EXOC6B: variants seen among roughly 807,000 people sequenced by gnomAD.
EXOC6B encodes the protein exocyst complex component 6B, also known as SEC15 homolog B.
A neutral mutation model predicts 113.5 loss-of-function variants in EXOC6B; 54 were observed. That is an observed-to-expected ratio of 0.48 (90% CI 0.38 to 0.60). EXOC6B has a LOEUF of 0.60. Among genes scored for constraint, EXOC6B ranks in the 20% least tolerant of loss-of-function variants. The pLI, the probability that EXOC6B is intolerant of heterozygous loss-of-function variation, is 0.00. For synonymous variants in EXOC6B, 357 were observed against 339.0 expected, an observed-to-expected ratio of 1.05 and a Z score of -0.58; for missense variants, 797 against 977.5, an observed-to-expected ratio of 0.82 and a Z score of 2.46.
rs780780635 is a variant in EXOC6B at position 72,215,705 on chromosome 2, T to C, written c.2197-31518A>G. On this transcript the variant is annotated intron_variant, in intron 20 of 21. Coordinates refer to ENST00000272427, the MANE Select transcript of EXOC6B (RefSeq NM_015189.3). ...ATGAGTACAGAACCTTTGGGATCAATATACATGAGAAATTTGCACCTGTTA... is the reference window on the plus strand; with the variant it reads ...ATGAGTACAGAACCTTTGGGATCAACATACATGAGAAATTTGCACCTGTTA... 3.9e-5 allele frequency among the ~76,000 whole-genome samples: 6 copies of C among 152,082 alleles called. No homozygotes were observed. The South Asian group carries it at 1.0e-3, about 26-fold the overall frequency.
At chr2:72,545,403 ATTAACT>A (rs1460957036) in intron 8 of EXOC6B, among the ~76,000 whole-genome samples, 9 of 152,180 alleles carry the variant, frequency 5.9e-5, no homozygotes, top group East Asian at 3.8e-4. Flanking sequence ...AATCCTTCAG[ATTAACT>A]TTAAGTGTAT....
intron 8 of EXOC6B, among the ~76,000 whole-genome samples, chr2:72,530,383 AT>A (rs1200862428): frequency 3.9e-5 from 6 of 152,128 alleles, no homozygotes; most frequent in African/African-American, 1.4e-4. Context: ...ATGTAAGTGT[AT>A]TATCTAGTTT....
At chr2:72,310,567 T>C (rs1433598408) in intron 20 of EXOC6B, among the ~76,000 whole-genome samples, 1 of 152,114 alleles carries the variant, frequency 6.6e-6, no homozygotes, top group African/African-American at 2.4e-5. Context: ...ACAAAGATTA[T>C]TTCCCATTAT....
intron 8 of EXOC6B, among the ~76,000 whole-genome samples, chr2:72,556,946 T>A (rs974794572): frequency 2.0e-5 from 3 of 151,744 alleles, no homozygotes; most frequent in African/African-American, 7.3e-5. Context: ...AAATTTCTCT[T>A]TCAGAAAGGA....
chr2:72,532,627 G>C (rs1454550978), intron 8 of EXOC6B, among the ~76,000 whole-genome samples: 2 of 152,088 alleles, frequency 1.3e-5, no homozygotes, highest in Admixed American at 6.5e-5. Context: ...GACCAACATG[G>C]GGAAACCCCG....
At chr2:72,671,042 C>T (rs778202072) in intron 6 of EXOC6B, among the ~76,000 whole-genome samples, 4 of 152,098 alleles carry the variant, frequency 2.6e-5, no homozygotes, top group Non-Finnish European at 4.4e-5. Flanking sequence ...AATTCTAAGA[C>T]TTGGAACTGT....
intron 16 of EXOC6B, among the ~76,000 whole-genome samples, chr2:72,487,926 T>A (rs1193153933): frequency 1.3e-5 from 2 of 152,204 alleles, no homozygotes; most frequent in African/African-American, 4.8e-5. Flanking sequence ...TTCTACCCTA[T>A]ACTTTTTGGA....
At chr2:72,417,538 T>C (rs1694600900) in intron 18 of EXOC6B, among the ~76,000 whole-genome samples, 1 of 152,202 alleles carries the variant, frequency 6.6e-6, no homozygotes, top group East Asian at 1.9e-4. Flanking sequence ...TAATTAATAA[T>C]TTGTAAGAGT....
intron 20 of EXOC6B, among the ~76,000 whole-genome samples, chr2:72,294,775 C>T (rs1686025466): frequency 6.6e-6 from 1 of 152,018 alleles, no homozygotes; most frequent in South Asian, 2.1e-4. Flanking sequence ...TAAATATGAG[C>T]AATTAGTTTC....
chr2:72,776,461 A>G (rs755228802), intron 1 of EXOC6B, among the ~76,000 whole-genome samples: 12 of 152,012 alleles, frequency 7.9e-5, no homozygotes, highest in Admixed American at 6.6e-5. Flanking sequence ...TACAAACAAT[A>G]CAAAAATTAG....
intron 20 of EXOC6B, among the ~76,000 whole-genome samples, chr2:72,209,426 A>T (rs886565433): frequency 1.3e-5 from 2 of 151,956 alleles, no homozygotes; most frequent in Admixed American, 1.3e-4. Context: ...AGGTGGGAGG[A>T]TGGCTCGAGC....
chr2:72,330,300 A>T (rs925735355), intron 20 of EXOC6B, among the ~76,000 whole-genome samples: 3 of 152,108 alleles, frequency 2.0e-5, no homozygotes, highest in African/African-American at 7.2e-5. Flanking sequence ...GAAATGTTTC[A>T]GGGTAGCCTG....
intron 1 of EXOC6B, among the ~76,000 whole-genome samples, chr2:72,821,120 A>T (rs1686557520): frequency 6.6e-6 from 1 of 152,152 alleles, no homozygotes; most frequent in East Asian, 1.9e-4. Flanking sequence ...GGACATATTC[A>T]GAATACATAG....
chr2:72,197,954 T>A (rs544257829), intron 20 of EXOC6B, among the ~76,000 whole-genome samples: 2 of 152,098 alleles, frequency 1.3e-5, no homozygotes, highest in East Asian at 3.9e-4. Context: ...TTGTATAGGG[T>A]TTTGAAGCTG....
chr2:72,575,710 G>T, intron 6 of EXOC6B, 42 bp from the exon 7 acceptor site: 1 of 1,412,470 alleles, frequency 7.1e-7, no homozygotes, highest in South Asian at 1.8e-5. Flanking sequence ...CAAAAAGGTG[G>T]GGTTAGGGAG....
At chr2:72,435,000 G>C (rs1695765833) in intron 18 of EXOC6B, among the ~76,000 whole-genome samples, 1 of 151,856 alleles carries the variant, frequency 6.6e-6, no homozygotes, top group Admixed American at 6.6e-5. Context: ...GTGATGTTAG[G>C]GTGTCCATTT....
chr2:72,787,516 C>T (rs1053807074), intron 1 of EXOC6B, among the ~76,000 whole-genome samples: 1 of 151,830 alleles, frequency 6.6e-6, no homozygotes, highest in African/African-American at 2.4e-5. Context: ...TTTTCTTTAT[C>T]TTTTTCTTTT....
At chr2:72,655,058 G>A (rs1249283734) in intron 6 of EXOC6B, among the ~76,000 whole-genome samples, 1 of 152,070 alleles carries the variant, frequency 6.6e-6, no homozygotes, top group Non-Finnish European at 1.5e-5. Flanking sequence ...CCATACTTCT[G>A]CTAATACCCT....
chr2:72,813,592 C>T (rs1007988093), intron 1 of EXOC6B, among the ~76,000 whole-genome samples: 6 of 152,130 alleles, frequency 3.9e-5, no homozygotes, highest in Non-Finnish European at 7.4e-5. Context: ...AAACAAAATA[C>T]TTGGCTAGCT....
Sources: gnomAD v4.1 joint callset for allele counts (sites outside exome capture counted in the v4.1 genomes callset) on GRCh38, gnomAD v4.1.1 for gene constraint, MANE v1.5 for transcripts, NCBI Gene and HGNC (gene_info 2026-07-23, HGNC 2026-07-21) for gene names.